PARD6G: variants seen among roughly 807,000 people sequenced by gnomAD.
PARD6G encodes the protein par-6 family cell polarity regulator gamma, also known as partitioning defective 6 homolog gamma.
In PARD6G, 7 loss-of-function variants were observed where a neutral mutation model predicts 10.7. The ratio of observed to expected loss-of-function variants is 0.66; its 90% CI spans 0.37 to 1.23. The LOEUF (loss-of-function observed/expected upper bound fraction) is 1.23. Among genes scored for constraint, PARD6G ranks in the 50% most tolerant of loss-of-function variants. The pLI is 0.02. For synonymous variants in PARD6G, 287 were observed against 269.4 expected (o/e 1.07, Z -0.64); for missense variants, 548 against 571.8 (o/e 0.96, Z 0.42).
At chr18:80,222,777 A>G (rs1047712882) in intron 1 of PARD6G, among the ~76,000 whole-genome samples, 4 of 152,088 alleles carry the variant, frequency 2.6e-5, no homozygotes. Flanking sequence ...GGGCTCAAGC[A>G]ATCCTCTCAC....
intron 2 of PARD6G, among the ~76,000 whole-genome samples, chr18:80,198,849 G>A (rs1007871205): frequency 4.6e-5 from 7 of 152,202 alleles, no homozygotes; most frequent in East Asian, 1.9e-4. Flanking sequence ...CAGCCTGTCC[G>A]CCCTGGTAAG....
chr18:80,214,496 G>C (rs2145289528), intron 1 of PARD6G, among the ~76,000 whole-genome samples: 1 of 152,076 alleles, frequency 6.6e-6, no homozygotes, highest in South Asian at 2.1e-4. Flanking sequence ...TCACCAAATA[G>C]AGAATACCAA....
intron 2 of PARD6G, among the ~76,000 whole-genome samples, chr18:80,176,747 G>A (rs1381227973): frequency 6.6e-6 from 1 of 152,210 alleles, no homozygotes; most frequent in African/African-American, 2.4e-5. Context: ...AGGGCAAACA[G>A]CTCACTAAAG....
chr18:80,202,794 G>C lies in PARD6G; in HGVS notation c.211C>G (p.Leu71Val). 1.2e-6 allele frequency: 2 copies of C among 1,614,088 alleles called. No homozygotes were observed. Among genetic ancestry groups the C allele is most frequent in the Non-Finnish European group, 1.7e-6 (2 of 1,180,022 alleles). ...TTGTCATCATTGTTGATGGGCAGCA[G>C]GTCTCCGTGCACATCTGCATAGCCA... ...TIGYADVHGD[L>V]LPINNDDNFC... Residue 71 changes from leucine to valine, a missense_variant, in exon 2 of 3, where the codon CTG (leucine) becomes GTG (valine). Transcript: ENST00000353265.
intron 1 of PARD6G, among the ~76,000 whole-genome samples, chr18:80,209,018 T>C (rs1372407727): frequency 6.6e-6 from 1 of 151,858 alleles, no homozygotes; most frequent in Admixed American, 6.6e-5. Flanking sequence ...GAGAACTGCT[T>C]GAACATAGGA....
chr18:80,165,101 C>T (rs987520520), intron 2 of PARD6G, among the ~76,000 whole-genome samples: 1 of 152,190 alleles, frequency 6.6e-6, no homozygotes, highest in Non-Finnish European at 1.5e-5. Context: ...ACCGGTCTGA[C>T]CACAAATTTA....
intron 1 of PARD6G, among the ~76,000 whole-genome samples, chr18:80,230,212 A>T (rs1488817614): frequency 1.7e-4 from 26 of 152,190 alleles, no homozygotes; most frequent in Admixed American, 1.6e-3. Context: ...GCTGTAAAGG[A>T]TCTCACGCGT....
Position 80,160,215 on chromosome 18 carries a change from C to T in PARD6G, c.687G>A (p.Leu229=). ...CGATCATCATGTCCGTGACCTGGTCCAGCGTCTTCCCGGCCACCTCAATGC... is the reference window on the plus strand; with the variant it reads ...CGATCATCATGTCCGTGACCTGGTCTAGCGTCTTCCCGGCCACCTCAATGC... ...VNGIEVAGKT[L]DQVTDMMIAN... is the part of the protein sequence containing the mutation. The change falls in exon 3 of 3, where the codon CTG becomes CTA. Residue 229 remains leucine, a synonymous_variant. Coordinates refer to ENST00000353265, the MANE Select transcript of PARD6G (RefSeq NM_032510.4). 1 of 1,613,244 alleles carries T rather than the reference C, an allele frequency of 6.2e-7. No homozygotes were observed. Among genetic ancestry groups the T allele is most frequent in the Non-Finnish European group, 8.5e-7 (1 of 1,179,836 alleles).
chr18:80,167,100 A>C (rs1237810876), intron 2 of PARD6G, among the ~76,000 whole-genome samples: 3 of 152,178 alleles, frequency 2.0e-5, no homozygotes, highest in Non-Finnish European at 4.4e-5. Flanking sequence ...CACAATTACA[A>C]GTGACACCCA....
intron 2 of PARD6G, among the ~76,000 whole-genome samples, chr18:80,194,416 A>C (rs1966931140): frequency 6.6e-6 from 1 of 152,210 alleles, no homozygotes; most frequent in African/African-American, 2.4e-5. Context: ...TTGAAGCCTC[A>C]GTGTCATCAT....
intron 1 of PARD6G, among the ~76,000 whole-genome samples, chr18:80,232,876 C>T (rs1159579257): frequency 6.6e-6 from 1 of 152,158 alleles, no homozygotes; most frequent in Non-Finnish European, 1.5e-5. Context: ...CTACAACCCA[C>T]GGGGCCACAT....
Position 80,175,747 on chromosome 18 carries a change from ACAC to A in PARD6G, c.296-15144_296-15142del, listed in dbSNP as rs2052804699. On this transcript the variant is annotated intron_variant, in intron 2 of 2. Transcript: ENST00000353265. This position sits in a 1 kb window ranked among gnomAD's most constrained non-coding sequence, Gnocchi z 6.7. ...GCCAAATGTTCACCATCACAAAAAA[ACAC>A]CACAGCGAACAACCACACAGACCCG... 1 of 163,302 alleles carries A rather than the reference ACAC, an allele frequency of 6.1e-6. No individual in the cohort carries two copies. Among genetic ancestry groups the A allele is most frequent in the Non-Finnish European group, 1.5e-5 (1 of 68,098 alleles). 10.1% of individuals were successfully genotyped at this position (163,302 alleles called of 1,614,324 possible).
rs777365599 is a variant in PARD6G at position 80,160,566 on chromosome 18, G to A, written c.336C>T (p.Cys112=). ...ERGSLGAGSL[C]RRRRALGALR... is the part of the protein sequence containing the mutation. ...GCGCGCCCAGCGCCCGCCTCCGCCT[G>A]CACAGCGAGCCCGCGCCGAGGCTGC... Residue 112 remains cysteine, a synonymous_variant, in exon 3 of 3, where the codon TGC becomes TGT. Transcript: ENST00000353265. The A allele has an allele frequency of 6.8e-7, 1 of 1,470,744 alleles. No individual in the cohort carries two copies. The allele number at this position is 1,470,744 out of a possible 1,614,324, so 91.1% of individuals were successfully genotyped here.
intron 1 of PARD6G, among the ~76,000 whole-genome samples, chr18:80,219,410 A>T (rs1372621475): frequency 6.6e-6 from 1 of 152,066 alleles, no homozygotes; most frequent in Non-Finnish European, 1.5e-5. Flanking sequence ...CAGTTTCACC[A>T]TGTTGGCTAG....
At position 80,228,416 on chromosome 18, in the gene PARD6G, C is replaced by G. The variant is rs1967320471; in HGVS notation, c.72+18861G>C. ...ATTGACCCCCAGCCTCCTCAATCAG[C>G]TCTGCTGGGTGAGTCGCAGGCACCA... On this transcript the variant is annotated intron_variant, in intron 1 of 2. Transcript: ENST00000353265. This position sits in a 1 kb window ranked among gnomAD's most constrained non-coding sequence, Gnocchi z 4.6. Among the ~76,000 whole-genome samples, 1 of 152,178 alleles carries G rather than the reference C, an allele frequency of 6.6e-6. No individual in the cohort carries two copies. Among genetic ancestry groups the G allele is most frequent in the Non-Finnish European group, 1.5e-5 (1 of 68,014 alleles).
rs573741013 is a variant in PARD6G, at chr18:80,221,798, G to C, written c.73-18866C>G. Among the ~76,000 whole-genome samples, 33 of 152,184 alleles carry C rather than the reference G, an allele frequency of 2.2e-4. No individual in the cohort carries two copies. In the South Asian group the frequency reaches 6.4e-3, roughly 30 times the overall value. ...TGCATTTGTATATAGAAAATCCTAA[G>C]GAATCCATAAACAAAACCTTATTAG... is the stretch of plus-strand genomic sequence containing the variant. On this transcript the variant is annotated intron_variant, in intron 1 of 2. Transcript: ENST00000353265.
At chr18:80,244,212 C>A (rs546444613) in intron 1 of PARD6G, among the ~76,000 whole-genome samples, 2 of 152,122 alleles carry the variant, frequency 1.3e-5, no homozygotes, top group East Asian at 3.8e-4. Context: ...TCCCTCCCCA[C>A]GGCAGGTCCT....
intron 2 of PARD6G, among the ~76,000 whole-genome samples, chr18:80,187,430 C>A (rs2052885839): frequency 1.3e-5 from 2 of 152,220 alleles, no homozygotes; most frequent in Non-Finnish European, 2.9e-5. Flanking sequence ...CCACTGTGGA[C>A]ACATGTAACC....
intron 1 of PARD6G, among the ~76,000 whole-genome samples, chr18:80,212,237 T>A (rs916807272): frequency 6.6e-6 from 1 of 152,182 alleles, no homozygotes; most frequent in Non-Finnish European, 1.5e-5. Flanking sequence ...TAACCTGTGA[T>A]GGAATGGTGT....
Sources: allele counts gnomAD v4.1 joint callset (sites outside exome capture counted in the v4.1 genomes callset), GRCh38; gene constraint gnomAD v4.1.1; non-coding constraint Gnocchi (gnomAD v3.1); transcripts MANE v1.5; gene names NCBI Gene and HGNC (gene_info 2026-07-23, HGNC 2026-07-21).